The following RBFOX1 variants were observed in gnomAD, a reference collection of about 807,000 sequenced individuals.
RBFOX1 encodes the protein RNA binding fox-1 homolog 1.
Under a neutral mutation model 57.7 loss-of-function variants are expected in RBFOX1, and 8 were observed. The observed-to-expected ratio is 0.14, with a 90% CI of 0.08 to 0.25. RBFOX1 has a LOEUF of 0.25. Among genes scored for constraint, RBFOX1 ranks in the 10% least tolerant of loss-of-function variants. RBFOX1 has a pLI of 1.00. For missense variants in RBFOX1, 611 were observed against 548.5 expected, an observed-to-expected ratio of 1.11 and a Z score of -1.14; for synonymous variants, 326 against 222.4, an observed-to-expected ratio of 1.47 and a Z score of -4.15.
chr16:5,731,455 C>A (rs759061978), intron 3 of RBFOX1, among the ~76,000 whole-genome samples: 42 of 152,206 alleles, frequency 2.8e-4, no homozygotes, highest in Admixed American at 7.2e-4. Context: ...AAGGTGGGTA[C>A]TGTTGCTATC....
chr16:6,434,822 C>T (rs1456706912), intron 2 of RBFOX1, among the ~76,000 whole-genome samples: 4 of 152,124 alleles, frequency 2.6e-5, no homozygotes, highest in African/African-American at 7.2e-5. Flanking sequence ...TCTTCTCTTC[C>T]AATGATTTGT....
intron 2 of RBFOX1, among the ~76,000 whole-genome samples, chr16:6,632,358 C>T (rs1009557290): frequency 3.3e-5 from 5 of 151,788 alleles, no homozygotes; most frequent in Non-Finnish European, 7.4e-5. Flanking sequence ...AAGGTCTGAA[C>T]TTGTTGGAGA....
chr16:6,763,529 A>T (rs1157208126), intron 3 of RBFOX1, among the ~76,000 whole-genome samples: 1 of 152,222 alleles, frequency 6.6e-6, no homozygotes, highest in Non-Finnish European at 1.5e-5. Flanking sequence ...CTTGGGTTAT[A>T]GCAACAGAGA....
intron 1 of RBFOX1, among the ~76,000 whole-genome samples, chr16:6,235,455 C>T (rs999166724): frequency 8.5e-5 from 13 of 152,080 alleles, no homozygotes; most frequent in Admixed American, 1.3e-4. Context: ...TTGCACATGC[C>T]TGTCTATAGC....
chr16:7,404,283 C>T (rs184409606), intron 4 of RBFOX1, among the ~76,000 whole-genome samples: 12 of 152,150 alleles, frequency 7.9e-5, no homozygotes, highest in Admixed American at 3.9e-4. Flanking sequence ...TAACTCCTGA[C>T]CTCAGGTGAT....
rs116548043 is a variant in RBFOX1, at chr16:6,011,789, G to T, written c.351+144454G>T. ...ATGACCACGCACGCTGAGGACTTGC[G>T]CTTACTCTCCAAGTTGGAGACGAGG... is the stretch of plus-strand genomic sequence containing the variant. On this transcript the variant is annotated intron_variant, in intron 4 of 19. Coordinates refer to the RBFOX1 transcript ENST00000641259. Among the ~76,000 whole-genome samples the T allele has an allele frequency of 1.6e-3, 246 of 152,220 alleles. 1 individual carries two copies. The highest frequency in any genetic ancestry group is 5.8e-3 in the African/African-American group (241 of 41,562).
chr16:5,520,953 A>G (rs1345216253), intron 2 of RBFOX1, among the ~76,000 whole-genome samples: 6 of 152,174 alleles, frequency 3.9e-5, no homozygotes, highest in Non-Finnish European at 7.4e-5. Flanking sequence ...GCCACAGCCA[A>G]CTGCAGCCTG....
At chr16:6,257,729 C>T (rs1598891597) in intron 1 of RBFOX1, among the ~76,000 whole-genome samples, 1 of 152,270 alleles carries the variant, frequency 6.6e-6, no homozygotes, top group South Asian at 2.1e-4. Context: ...CCAGCTCCTT[C>T]CATGTTCCTG....
Position 7,424,792 on chromosome 16 carries a change from C to T in RBFOX1, c.28-93355C>T, listed in dbSNP as rs920732856. ...AACAAACAAACAGTGCCAGCTGAAA[C>T]AATCACATAATCACCTTTCTAGTTA... On this transcript the variant is annotated intron_variant, in intron 4 of 15. Coordinates refer to ENST00000550418, the MANE Select transcript of RBFOX1 (RefSeq NM_018723.4). 2.0e-5 allele frequency among the ~76,000 whole-genome samples: 3 copies of T among 152,146 alleles called. No individual in the cohort carries two copies. In the East Asian group the frequency reaches 5.8e-4, roughly 29 times the overall value.
At chr16:5,542,517 A>C (rs2045003080) in intron 2 of RBFOX1, among the ~76,000 whole-genome samples, 1 of 151,446 alleles carries the variant, frequency 6.6e-6, no homozygotes, top group Non-Finnish European at 1.5e-5. Flanking sequence ...TCGGCCTCCC[A>C]AAGTGCTGGG....
chr16:5,557,259 CAATA>C (rs201351265), intron 2 of RBFOX1, among the ~76,000 whole-genome samples: 8,735 of 143,338 alleles, frequency 0.061, 393 homozygotes, highest in African/African-American at 0.12. Flanking sequence ...GACTCCATCT[CAATA>C]AATAAATAAA....
At chr16:7,105,488 T>G (rs969516244) in intron 4 of RBFOX1, among the ~76,000 whole-genome samples, 3 of 152,104 alleles carry the variant, frequency 2.0e-5, no homozygotes, top group African/African-American at 7.2e-5. Flanking sequence ...ACTTCCACCC[T>G]TTCCCCTGAG....
At chr16:7,412,355 C>T (rs1367444607) in intron 4 of RBFOX1, among the ~76,000 whole-genome samples, 5 of 145,230 alleles carry the variant, frequency 3.4e-5, no homozygotes, top group Non-Finnish European at 7.4e-5. Context: ...CTAGAGGTTG[C>T]AGGGAGCCGA....
chr16:5,920,171 T>C (rs2058791339), intron 4 of RBFOX1, among the ~76,000 whole-genome samples: 1 of 152,232 alleles, frequency 6.6e-6, no homozygotes, highest in South Asian at 2.1e-4. Context: ...CCTGACCTTG[T>C]GATCCACCTG....
chr16:5,578,254 G>GCC (rs2046536795), intron 2 of RBFOX1, among the ~76,000 whole-genome samples: 1 of 152,150 alleles, frequency 6.6e-6, no homozygotes, highest in Non-Finnish European at 1.5e-5. Context: ...CTGCCCTGGG[G>GCC]ATTTGTGATG....
intron 3 of RBFOX1, among the ~76,000 whole-genome samples, chr16:6,942,286 A>G (rs2078677685): frequency 6.6e-6 from 1 of 152,074 alleles, no homozygotes; most frequent in Non-Finnish European, 1.5e-5. Flanking sequence ...TCTCACAAAC[A>G]AAAAACAAGT....
At chr16:6,064,190 ATGAAAGGGGT>A (rs1263695186) in intron 1 of RBFOX1, among the ~76,000 whole-genome samples, 2 of 152,154 alleles carry the variant, frequency 1.3e-5, no homozygotes, top group Non-Finnish European at 2.9e-5. Flanking sequence ...TTCTTGCATT[ATGAAAGGGGT>A]TGAAAGAGAT....
intron 1 of RBFOX1, among the ~76,000 whole-genome samples, chr16:5,257,851 T>G (rs752715708): frequency 2.0e-5 from 3 of 151,456 alleles, no homozygotes; most frequent in Non-Finnish European, 4.4e-5. Context: ...TTTTTTGGGG[T>G]GGGGGGGAAA....
chr16:6,838,416 T>C (rs545267174), intron 3 of RBFOX1, among the ~76,000 whole-genome samples: 1 of 152,328 alleles, frequency 6.6e-6, no homozygotes, highest in Non-Finnish European at 1.5e-5. Flanking sequence ...ATTTTCTTTA[T>C]CCAGTCTATT....
Sources: allele counts gnomAD v4.1 joint callset (sites outside exome capture counted in the v4.1 genomes callset), GRCh38; gene constraint gnomAD v4.1.1; transcripts MANE v1.5; gene names NCBI Gene and HGNC (gene_info 2026-07-23, HGNC 2026-07-21).